Variants in OSBPL10 observed in about 807,000 individuals in gnomAD.
OSBPL10 encodes the protein oxysterol binding protein like 10.
Under a neutral mutation model 81.7 loss-of-function variants are expected in OSBPL10, and 49 were observed. The observed-to-expected ratio is 0.60, with a 90% CI of 0.48 to 0.76. The LOEUF is 0.76. OSBPL10 is among the 30% of genes least tolerant of loss of function. The probability of loss-of-function intolerance (pLI) is 0.00; values close to 1 mark genes in which losing one functional copy is unlikely to be tolerated. For missense variants in OSBPL10, 923 were observed against 987.8 expected (o/e 0.93, Z 0.88); for synonymous variants, 419 against 383.6 (o/e 1.09, Z -1.08).
chr3:31,915,792 C>T (rs1696739796), intron 1 of OSBPL10, among the ~76,000 whole-genome samples: 1 of 152,114 alleles, frequency 6.6e-6, no homozygotes, highest in Admixed American at 6.6e-5. Context: ...AACCACGCAA[C>T]ACCCTTTAAG....
intron 2 of OSBPL10, among the ~76,000 whole-genome samples, chr3:32,009,546 T>A (rs1028192148): frequency 2.6e-5 from 4 of 152,312 alleles, no homozygotes; most frequent in Admixed American, 1.3e-4. Flanking sequence ...CTGAGCTGAA[T>A]CTAATCTTCT....
intron 1 of OSBPL10, among the ~76,000 whole-genome samples, chr3:32,074,992 C>A (rs1350535900): frequency 8.5e-5 from 13 of 152,170 alleles, no homozygotes; most frequent in Admixed American, 8.5e-4. Context: ...CTGCGGGTCC[C>A]CCTCATGACG....
intron 1 of OSBPL10, among the ~76,000 whole-genome samples, chr3:31,965,828 A>T (rs1698369478): frequency 2.4e-5 from 2 of 82,394 alleles, no homozygotes; most frequent in African/African-American, 1.3e-4. Context: ...TATTATATAA[A>T]TATATAATAT....
At chr3:31,774,962 T>G (rs1192651290) in intron 4 of OSBPL10, among the ~76,000 whole-genome samples, 1 of 150,330 alleles carries the variant, frequency 6.7e-6, no homozygotes, top group Non-Finnish European at 1.5e-5. Context: ...AGGTCAGGAG[T>G]TCGAGACCAG....
intron 2 of OSBPL10, among the ~76,000 whole-genome samples, chr3:31,997,797 T>C (rs1699106017): frequency 2.0e-5 from 3 of 152,000 alleles, no homozygotes; most frequent in Non-Finnish European, 4.4e-5. Flanking sequence ...TGTTTTTGTT[T>C]CTGAGACAGG....
Position 31,683,701 on chromosome 3 carries a change from G to C in OSBPL10, c.1659C>G (p.Val553=). 1 of 1,614,168 alleles carries C rather than the reference G, an allele frequency of 6.2e-7. No individual in the cohort carries two copies. Among genetic ancestry groups the C allele is most frequent in the Non-Finnish European group, 8.5e-7 (1 of 1,180,026 alleles). ...TGCTTTTGGTCCATACATGAGTGTTGACGCACAGTCTCTTCTCCTCGCACT... is the reference window on the plus strand; with the variant it reads ...TGCTTTTGGTCCATACATGAGTGTTCACGCACAGTCTCTTCTCCTCGCACT... The part of the protein sequence containing the change: ...YCECEEKRLC[V]NTHVWTKSKF... The change falls in exon 8 of 12, where the codon GTC becomes GTG. Residue 553 remains valine (V), a synonymous_variant. Transcript: ENST00000396556.
At chr3:31,807,742 A>T (rs1699559582) in intron 4 of OSBPL10, among the ~76,000 whole-genome samples, 1 of 152,116 alleles carries the variant, frequency 6.6e-6, no homozygotes, top group African/African-American at 2.4e-5. Flanking sequence ...CATCTCTAAA[A>T]AGAATTTTTC....
intron 5 of OSBPL10, 43 bp downstream of exon 5, chr3:31,747,867 T>A (rs1697574360): frequency 6.4e-7 from 1 of 1,569,002 alleles, no homozygotes; most frequent in Non-Finnish European, 8.8e-7. Flanking sequence ...AGACACAGTG[T>A]GTGTACTCAT....
intron 1 of OSBPL10, among the ~76,000 whole-genome samples, chr3:32,047,534 G>T (rs368583696): frequency 1.3e-5 from 2 of 152,274 alleles, no homozygotes; most frequent in African/African-American, 4.8e-5. Context: ...GCTGGTAGGG[G>T]TGTCTTTTAA....
chr3:31,975,812 T>C (rs1698681199), intron 1 of OSBPL10, among the ~76,000 whole-genome samples: 1 of 152,206 alleles, frequency 6.6e-6, no homozygotes, highest in African/African-American at 2.4e-5. Flanking sequence ...TTTTATCCAT[T>C]TGACAATACT....
intron 4 of OSBPL10, among the ~76,000 whole-genome samples, chr3:31,829,035 G>C (rs1700166880): frequency 6.6e-6 from 1 of 152,190 alleles, no homozygotes; most frequent in African/African-American, 2.4e-5. Context: ...TCCTGGGCCA[G>C]ATTCAGAACC....
Position 31,813,106 on chromosome 3 carries a change from A to G in OSBPL10, c.729+16934T>C, listed in dbSNP as rs535106546. 2.6e-3 allele frequency among the ~76,000 whole-genome samples: 398 copies of G among 152,348 alleles called. 3 individuals carry two copies. Among genetic ancestry groups the G allele is most frequent in the Middle Eastern group, 0.024 (7 of 294 alleles). ...TACAGGAATGGTTCTTTGCAGACCT[A>G]TTTTAAGACTGTTATCCTTGGACTG... On this transcript the variant is annotated intron_variant, in intron 4 of 11. Transcript: ENST00000396556.
intron 1 of OSBPL10, among the ~76,000 whole-genome samples, chr3:31,928,274 T>A (rs1697135603): frequency 6.6e-6 from 1 of 152,290 alleles, no homozygotes; most frequent in East Asian, 1.9e-4. Context: ...AAACATCCTG[T>A]CCATTTGGCA....
At chr3:31,729,828 G>C (rs1164477047) in intron 6 of OSBPL10, among the ~76,000 whole-genome samples, 1 of 152,158 alleles carries the variant, frequency 6.6e-6, no homozygotes, top group Non-Finnish European at 1.5e-5. Flanking sequence ...AGGTAGGTGG[G>C]ACTAAGGCCT....
rs774799990 is a variant in OSBPL10 at position 32,065,944 on chromosome 3, G to GAAGAAAGAAAGAAAGA, written n.185+11436_185+11451dup. ...AAGAAAGAAAGAAGGAAAGAAGAAA[G>GAAGAAAGAAAGAAAGA]AAGAAAGAAAGAAAGAAAGAAAGAA... is the stretch of plus-strand genomic sequence containing the variant. On this transcript the variant is annotated intron_variant and non_coding_transcript_variant, in intron 1 of 3. Transcript: ENST00000479173. 1.0e-3 allele frequency among the ~76,000 whole-genome samples: 37 copies of GAAGAAAGAAAGAAAGA among 35,932 alleles called. 4 individuals are homozygous for GAAGAAAGAAAGAAAGA. Among genetic ancestry groups the GAAGAAAGAAAGAAAGA allele is most frequent in the Admixed American group, 1.9e-3 (4 of 2,102 alleles). The allele number at this position is 35,932 out of a possible 152,430, so 23.6% of individuals were successfully genotyped here. A position where few individuals can be genotyped will look rare whatever the true frequency, so the allele number is the denominator to read the frequency against.
At chr3:31,879,587 A>C in intron 2 of OSBPL10, 68 bp downstream of exon 2, 1 of 1,499,130 alleles carries the variant, frequency 6.7e-7, no homozygotes, top group East Asian at 2.3e-5. Context: ...CAAAAAATCA[A>C]AAAACAAGAG....
intron 2 of OSBPL10, among the ~76,000 whole-genome samples, chr3:32,021,205 G>A (rs969650659): frequency 2.0e-5 from 3 of 152,200 alleles, no homozygotes; most frequent in Admixed American, 6.5e-5. Flanking sequence ...GAATTGGGGC[G>A]TGGGTGGGAC....
chr3:31,814,912 G>A (rs949267547), intron 4 of OSBPL10, among the ~76,000 whole-genome samples: 2 of 152,276 alleles, frequency 1.3e-5, no homozygotes, highest in African/African-American at 4.8e-5. Context: ...TTGCCCCTGA[G>A]GATATGATAT....
intron 4 of OSBPL10, among the ~76,000 whole-genome samples, chr3:31,793,650 T>A (rs1410242951): frequency 3.9e-5 from 6 of 152,156 alleles, no homozygotes. Context: ...GTTTACAAAA[T>A]AACATGGAAT....
Sources: gnomAD v4.1 joint callset for allele counts (sites outside exome capture counted in the v4.1 genomes callset) on GRCh38, gnomAD v4.1.1 for gene constraint, MANE v1.5 for transcripts, NCBI Gene and HGNC (gene_info 2026-07-23, HGNC 2026-07-21) for gene names.